Variants in KCNH1 observed in about 807,000 individuals in gnomAD.
KCNH1 encodes the protein potassium voltage-gated channel subfamily H member 1.
Under a neutral mutation model 69.2 loss-of-function variants are expected in KCNH1, and 27 were observed. The observed-to-expected ratio is 0.39, with a 90% CI of 0.29 to 0.54. The LOEUF (loss-of-function observed/expected upper bound fraction) is 0.54, where lower values mean the gene tolerates loss of function less well. Ranked by LOEUF, KCNH1 falls within the 20% of genes least tolerant of loss-of-function variation. The pLI, the probability that KCNH1 is intolerant of heterozygous loss-of-function variation, is 0.68. For missense variants in KCNH1, 798 were observed against 1,261.6 expected (o/e 0.63, Z 5.57); for synonymous variants, 456 against 487.7 (o/e 0.93, Z 0.86).
intron 7 of KCNH1, chr1:210,859,557 A>G: frequency 6.3e-7 from 1 of 1,576,020 alleles, no homozygotes; most frequent in South Asian, 1.1e-5. Context: ...ATTCTTTCCC[A>G]TCTTCATCAA....
chr1:210,927,443 T>G (rs1396747225), intron 6 of KCNH1, among the ~76,000 whole-genome samples: 1 of 152,118 alleles, frequency 6.6e-6, no homozygotes, highest in East Asian at 1.9e-4. Flanking sequence ...AGCCCAAAAT[T>G]TTGTATCCAG....
chr1:210,682,691 G>A lies in KCNH1; in HGVS notation c.*590C>T, dbSNP rs1427661580. On this transcript the variant is annotated 3_prime_UTR_variant, in exon 11 of 11. Transcript: ENST00000271751. ...ATGGGAGGCATGCACCACACCTGCAGCTGCTTTTCTGGCCTTAACCATGAG... is the reference window on the plus strand; with the variant it reads ...ATGGGAGGCATGCACCACACCTGCAACTGCTTTTCTGGCCTTAACCATGAG... 6 of 153,098 alleles carry A rather than the reference G, an allele frequency of 3.9e-5. No individual in the cohort carries two copies. The highest frequency in any genetic ancestry group is 8.7e-5 in the Non-Finnish European group (6 of 68,710). The allele number at this position is 153,098 out of a possible 1,614,324, so 9.5% of individuals were successfully genotyped here.
rs538113099 is a variant in KCNH1 at position 210,722,061 on chromosome 1, A to G, written c.2113-37923T>C. Among the ~76,000 whole-genome samples, 23 of 152,306 alleles carry G rather than the reference A, an allele frequency of 1.5e-4. 1 individual carries two copies. In the South Asian group the frequency reaches 4.3e-3, roughly 29 times the overall value. Reference sequence around the variant, plus strand: ...AGTTTCCCCAGTGGGTTCCAGCCCCATACTGAAAGCAGGCCAACGACTAGA... The same window carrying G: ...AGTTTCCCCAGTGGGTTCCAGCCCCGTACTGAAAGCAGGCCAACGACTAGA... On this transcript the variant is annotated intron_variant, in intron 10 of 10. Transcript: ENST00000271751.
intron 10 of KCNH1, among the ~76,000 whole-genome samples, chr1:210,710,875 A>G (rs1245939974): frequency 6.6e-6 from 1 of 152,216 alleles, no homozygotes; most frequent in African/African-American, 2.4e-5. Context: ...AATCCAGGCC[A>G]GCCCACTGCA....
intron 6 of KCNH1, among the ~76,000 whole-genome samples, chr1:210,987,166 A>T (rs1688855860): frequency 6.6e-6 from 1 of 151,924 alleles, no homozygotes; most frequent in South Asian, 2.1e-4. Flanking sequence ...TGCATTGGTT[A>T]TTCTAGTTAG....
chr1:210,848,011 C>T (rs779794531), intron 7 of KCNH1, among the ~76,000 whole-genome samples: 1 of 152,096 alleles, frequency 6.6e-6, no homozygotes, highest in African/African-American at 2.4e-5. Context: ...GCTGAGAAAT[C>T]TCAGCCTTAA....
chr1:210,916,355 C>T (rs577810495), intron 7 of KCNH1, among the ~76,000 whole-genome samples: 13 of 152,262 alleles, frequency 8.5e-5, no homozygotes, highest in East Asian at 1.9e-4. Flanking sequence ...ACAGCTGAAA[C>T]GGTGACAGGT....
intron 10 of KCNH1, among the ~76,000 whole-genome samples, chr1:210,745,063 C>T (rs1306932075): frequency 2.6e-5 from 4 of 152,154 alleles, no homozygotes; most frequent in South Asian, 4.1e-4. Flanking sequence ...ATTAGCCGGG[C>T]GTGGTGGTGC....
At chr1:210,875,560 T>C (rs894572997) in intron 7 of KCNH1, among the ~76,000 whole-genome samples, 2 of 152,158 alleles carry the variant, frequency 1.3e-5, no homozygotes, top group African/African-American at 4.8e-5. Flanking sequence ...CCCAGCACTT[T>C]GGGAGGCCAA....
intron 10 of KCNH1, among the ~76,000 whole-genome samples, chr1:210,711,374 A>G (rs1167828563): frequency 6.6e-6 from 1 of 152,134 alleles, no homozygotes; most frequent in African/African-American, 2.4e-5. Flanking sequence ...TCATCTCTCT[A>G]AATTGTACTC....
At chr1:210,696,695 A>C (rs1300789097) in intron 10 of KCNH1, among the ~76,000 whole-genome samples, 1 of 152,114 alleles carries the variant, frequency 6.6e-6, no homozygotes, top group African/African-American at 2.4e-5. Context: ...CAAGGCTTTG[A>C]ATTTCTCTCG....
intron 10 of KCNH1, among the ~76,000 whole-genome samples, chr1:210,728,195 G>A (rs1017677918): frequency 1.1e-4 from 16 of 152,200 alleles, no homozygotes; most frequent in African/African-American, 3.9e-4. Flanking sequence ...GGAGTCTGAA[G>A]ACTCTTGGCC....
chr1:210,811,877 C>T (rs963561318), intron 7 of KCNH1, among the ~76,000 whole-genome samples: 13 of 152,126 alleles, frequency 8.5e-5, no homozygotes, highest in Non-Finnish European at 1.6e-4. Context: ...GGATCTGACT[C>T]CAGCCACACA....
chr1:210,790,212 A>G (rs1450162099), intron 9 of KCNH1, among the ~76,000 whole-genome samples: 3 of 152,206 alleles, frequency 2.0e-5, no homozygotes, highest in Non-Finnish European at 4.4e-5. Flanking sequence ...TCCTGTCTTG[A>G]GCCCTGGTTT....
Position 210,798,281 on chromosome 1 carries a change from C to T in KCNH1, c.1663-521G>A, listed in dbSNP as rs560571630. On this transcript the variant is annotated intron_variant, in intron 8 of 10. Coordinates refer to ENST00000271751, the MANE Select transcript of KCNH1 (RefSeq NM_172362.3). ...GTCTCGATCTCCTGACCTCGTGATC[C>T]GCCCGCCTCGGCCTCCCAAAGTGCT... Among the ~76,000 whole-genome samples, 12 of 152,170 alleles carry T rather than the reference C, an allele frequency of 7.9e-5. No homozygotes were observed. The South Asian group carries it at 8.3e-4, about 11-fold the overall frequency.
Position 211,064,820 on chromosome 1 carries a change from G to A in KCNH1, c.558+17960C>T, listed in dbSNP as rs182706753. 1.6e-3 allele frequency among the ~76,000 whole-genome samples: 247 copies of A among 152,028 alleles called. 1 individual carries two copies. Among genetic ancestry groups the A allele is most frequent in the African/African-American group, 5.7e-3 (237 of 41,478 alleles). ...AACAAAAAACCTAATTTTTAAAAAGGCAAAGGATCTGAATAAACATTTCTC... is the reference window on the plus strand; with the variant it reads ...AACAAAAAACCTAATTTTTAAAAAGACAAAGGATCTGAATAAACATTTCTC... On this transcript the variant is annotated intron_variant, in intron 5 of 10. Transcript: ENST00000271751.
chr1:210,870,267 A>C (rs1686210609), intron 7 of KCNH1, among the ~76,000 whole-genome samples: 1 of 152,136 alleles, frequency 6.6e-6, no homozygotes, highest in African/African-American at 2.4e-5. Flanking sequence ...ATCTATGTTA[A>C]TACAGTGAAA....
intron 6 of KCNH1, among the ~76,000 whole-genome samples, chr1:210,927,906 G>A (rs1402778576): frequency 6.6e-6 from 1 of 151,856 alleles, no homozygotes; most frequent in Non-Finnish European, 1.5e-5. Context: ...GAGCAGGAGT[G>A]GCTATTCTTA....
intron 7 of KCNH1, among the ~76,000 whole-genome samples, chr1:210,869,522 T>C (rs1038026791): frequency 7.0e-5 from 10 of 143,792 alleles, no homozygotes; most frequent in Non-Finnish European, 9.3e-5. Flanking sequence ...TGTGTGTGTG[T>C]GTGTGCTTTT....
Sources: allele counts gnomAD v4.1 joint callset (sites outside exome capture counted in the v4.1 genomes callset), GRCh38; gene constraint gnomAD v4.1.1; transcripts MANE v1.5; gene names NCBI Gene and HGNC (gene_info 2026-07-23, HGNC 2026-07-21).